The following CCDC7 variants were observed in gnomAD, a reference collection of about 807,000 sequenced individuals.
CCDC7 encodes coiled-coil domain containing 7.
CCDC7 carries 183 observed loss-of-function variants against 196.9 expected under a neutral mutation model. The observed-to-expected ratio is 0.93, with a 90% confidence interval of 0.82 to 1.05. The LOEUF (loss-of-function observed/expected upper bound fraction) is 1.05. Ranked by LOEUF, CCDC7 falls within the 50% of genes least tolerant of loss-of-function variation. CCDC7 has a pLI of 0.00. For synonymous variants in CCDC7, 525 were observed against 484.6 expected (o/e 1.08, Z -1.10); for missense variants, 1,540 against 1,482.2 (o/e 1.04, Z -0.64).
intron 28 of CCDC7, among the ~76,000 whole-genome samples, chr10:32,764,584 G>T (rs140776735): frequency 6.6e-6 from 1 of 151,876 alleles, no homozygotes; most frequent in African/African-American, 2.4e-5. Flanking sequence ...CAGAATTGCC[G>T]TGGTTTACTG....
chr10:32,666,599 TCCTA>T (rs2072796248), intron 21 of CCDC7, among the ~76,000 whole-genome samples: 1 of 150,448 alleles, frequency 6.6e-6, no homozygotes, highest in Non-Finnish European at 1.5e-5. Context: ...ATTGTTCAAT[TCCTA>T]CCTATGAGTG....
intron 34 of CCDC7, 93 bp downstream of exon 35, chr10:32,845,419 A>G (rs2093226808): frequency 8.3e-7 from 1 of 1,204,386 alleles, no homozygotes; most frequent in South Asian, 1.4e-5. Flanking sequence ...AAAACTACCT[A>G]TATTATAGTG....
intron 3 of CCDC7, among the ~76,000 whole-genome samples, chr10:32,457,165 C>T (rs1588724170): frequency 6.6e-6 from 1 of 152,180 alleles, no homozygotes; most frequent in Non-Finnish European, 1.5e-5. Context: ...CCCTTTCCAA[C>T]CTCTAGTAAT....
chr10:32,663,916 C>T, intron 20 of CCDC7, 138 bp from the exon 22 acceptor site: 1 of 352,982 alleles, frequency 2.8e-6, no homozygotes, highest in Non-Finnish European at 5.0e-6. Flanking sequence ...CATGTCAGAT[C>T]TAGAATTATA....
At chr10:32,543,248 T>C in intron 11 of CCDC7, 52 bp from the exon 13 acceptor site, 1 of 1,291,300 alleles carries the variant, frequency 7.7e-7, no homozygotes, top group Non-Finnish European at 1.0e-6. Context: ...TATCTTTCTA[T>C]AACTTATTGT....
At chr10:32,832,832 T>C (rs532708411) in intron 32 of CCDC7, among the ~76,000 whole-genome samples, 2 of 152,242 alleles carry the variant, frequency 1.3e-5, no homozygotes, top group South Asian at 2.1e-4. Context: ...TGTGGTACCA[T>C]ATATAGATAT....
intron 9 of CCDC7, chr10:32,511,377 G>A (rs2046176299): frequency 6.2e-7 from 1 of 1,609,042 alleles, no homozygotes; most frequent in East Asian, 2.2e-5. Context: ...GGTTCCCAGA[G>A]GGCATTTTTT....
intron 16 of CCDC7, among the ~76,000 whole-genome samples, chr10:32,578,365 A>G (rs1479026747): frequency 6.6e-6 from 1 of 151,898 alleles, no homozygotes; most frequent in Non-Finnish European, 1.5e-5. Flanking sequence ...ATTCAAGCAC[A>G]TTACCTTTAT....
Position 32,541,946 on chromosome 10 carries a change from A to G in CCDC7, c.994-1354A>G, listed in dbSNP as rs1405827273. Among the ~76,000 whole-genome samples the G allele has an allele frequency of 3.3e-5, 5 of 152,256 alleles. No individual in the cohort carries two copies. In the South Asian group the frequency reaches 8.3e-4, roughly 25 times the overall value. The stretch of plus-strand genomic sequence containing the variant: ...TCCTGGCTCTGCACTGAGCCCAGAC[A>G]TGCTGGTGCCTCACCTCACTCCTCT... On this transcript the variant is annotated intron_variant, in intron 11 of 41. Coordinates refer to ENST00000639629, the Ensembl canonical transcript of CCDC7.
intron 23 of CCDC7, among the ~76,000 whole-genome samples, chr10:32,693,837 C>T (rs202015259): frequency 2.0e-5 from 3 of 152,060 alleles, no homozygotes; most frequent in East Asian, 1.9e-4. Flanking sequence ...TGTCTGAGTG[C>T]GCCCTGATAT....
At chr10:32,604,253 A>G (rs569231593) in intron 18 of CCDC7, among the ~76,000 whole-genome samples, 1 of 152,212 alleles carries the variant, frequency 6.6e-6, no homozygotes, top group Non-Finnish European at 1.5e-5. Flanking sequence ...CTGTAAGTGC[A>G]TAGCTTTACT....
At chr10:32,681,651 C>T (rs973231567) in intron 21 of CCDC7, among the ~76,000 whole-genome samples, 5 of 151,000 alleles carry the variant, frequency 3.3e-5, no homozygotes, top group African/African-American at 1.2e-4. Flanking sequence ...CCAGGTAGTG[C>T]CTTTGTAACT....
intron 20 of CCDC7, among the ~76,000 whole-genome samples, chr10:32,652,235 C>T (rs1352584671): frequency 6.6e-6 from 1 of 151,926 alleles, no homozygotes; most frequent in African/African-American, 2.4e-5. Context: ...GTAGCTACTC[C>T]TGCTCTTTTT....
chr10:32,538,887 G>C (rs1403316897), intron 11 of CCDC7, among the ~76,000 whole-genome samples: 1 of 152,148 alleles, frequency 6.6e-6, no homozygotes, highest in African/African-American at 2.4e-5. Flanking sequence ...CAGTTTGCTA[G>C]TATTTTGTTG....
chr10:32,624,657 C>T (rs1480976396), intron 18 of CCDC7, among the ~76,000 whole-genome samples: 1 of 152,086 alleles, frequency 6.6e-6, no homozygotes, highest in Non-Finnish European at 1.5e-5. Context: ...CTAGTGGCTA[C>T]ATTCCATAAG....
At chr10:32,610,343 A>G (rs761997178) in intron 18 of CCDC7, among the ~76,000 whole-genome samples, 4 of 152,134 alleles carry the variant, frequency 2.6e-5, no homozygotes, top group Non-Finnish European at 5.9e-5. Context: ...TGACCTCATG[A>G]TCTGCCTGCC....
chr10:32,803,381 C>A (rs1592920168), intron 29 of CCDC7, among the ~76,000 whole-genome samples: 1 of 152,144 alleles, frequency 6.6e-6, no homozygotes, highest in Non-Finnish European at 1.5e-5. Flanking sequence ...CTCTTTCTCT[C>A]CTTAGCTCTA....
intron 16 of CCDC7, among the ~76,000 whole-genome samples, chr10:32,580,572 T>A (rs2058641950): frequency 6.6e-6 from 1 of 152,144 alleles, no homozygotes; most frequent in African/African-American, 2.4e-5. Context: ...TGTTAGTTTG[T>A]ACTGTATTAC....
intron 25 of CCDC7, among the ~76,000 whole-genome samples, chr10:32,720,335 C>T (rs994321554): frequency 1.3e-5 from 2 of 152,016 alleles, no homozygotes; most frequent in African/African-American, 4.8e-5. Context: ...ACTAACCAAA[C>T]ACCGCATGTT....
Sources: gnomAD v4.1 joint callset for allele counts (sites outside exome capture counted in the v4.1 genomes callset) on GRCh38, gnomAD v4.1.1 for gene constraint, MANE v1.5 for transcripts, NCBI Gene and HGNC (gene_info 2026-07-23, HGNC 2026-07-21) for gene names.